SLC4A10: variants seen among roughly 807,000 people sequenced by gnomAD.
The protein encoded by SLC4A10 is solute carrier family 4 member 10.
Under a neutral mutation model 137.7 loss-of-function variants are expected in SLC4A10, and 42 were observed. The observed-to-expected ratio is 0.30, with a 90% CI of 0.24 to 0.39. The LOEUF is 0.39. SLC4A10 is among the 10% of genes least tolerant of loss of function. SLC4A10 has a pLI of 1.00. For missense variants in SLC4A10, 925 were observed against 1,355.0 expected, an observed-to-expected ratio of 0.68 and a Z score of 4.98; for synonymous variants, 474 against 464.1, an observed-to-expected ratio of 1.02 and a Z score of -0.27.
intron 1 of SLC4A10, among the ~76,000 whole-genome samples, chr2:161,647,127 T>C (rs2036165612): frequency 6.6e-6 from 1 of 152,070 alleles, no homozygotes; most frequent in African/African-American, 2.4e-5. Flanking sequence ...TCTGTTATGG[T>C]TCCTCTTTCA....
At chr2:161,843,557 A>G (rs991578589) in intron 4 of SLC4A10, among the ~76,000 whole-genome samples, 1 of 152,152 alleles carries the variant, frequency 6.6e-6, no homozygotes, top group African/African-American at 2.4e-5. Flanking sequence ...CAGAGACACA[A>G]TGATTCAGGG....
chr2:161,634,465 T>C (rs1176490297), intron 1 of SLC4A10, among the ~76,000 whole-genome samples: 1 of 151,936 alleles, frequency 6.6e-6, no homozygotes, highest in Non-Finnish European at 1.5e-5. Context: ...TTCCTATTTC[T>C]CCTCAAACTT....
intron 1 of SLC4A10, among the ~76,000 whole-genome samples, chr2:161,725,135 T>C (rs1037985085): frequency 1.3e-5 from 2 of 152,196 alleles, no homozygotes; most frequent in African/African-American, 4.8e-5. Flanking sequence ...GAATTCATAT[T>C]GGCTGAGGTA....
chr2:161,911,616 A>G (rs549934857), intron 15 of SLC4A10, among the ~76,000 whole-genome samples: 136 of 152,194 alleles, frequency 8.9e-4, no homozygotes, highest in African/African-American at 3.3e-3. Flanking sequence ...ATAACATGAC[A>G]ATTATATTTT....
intron 1 of SLC4A10, among the ~76,000 whole-genome samples, chr2:161,645,540 A>T (rs560479401): frequency 6.6e-6 from 1 of 152,140 alleles, no homozygotes; most frequent in East Asian, 1.9e-4. Context: ...TTGACTTTCT[A>T]AATGCATATT....
At chr2:161,771,083 T>C (rs780777718) in intron 2 of SLC4A10, 29 bp downstream of exon 2, 2 of 1,454,908 alleles carry the variant, frequency 1.4e-6, no homozygotes, top group Admixed American at 3.8e-5. Flanking sequence ...GGATAGCTAT[T>C]GGTGTGCTTT....
intron 1 of SLC4A10, among the ~76,000 whole-genome samples, chr2:161,695,740 C>G (rs980401475): frequency 6.6e-6 from 1 of 152,070 alleles, no homozygotes; most frequent in Non-Finnish European, 1.5e-5. Flanking sequence ...GCTCTATTTA[C>G]AGTCAGGCTT....
At chr2:161,902,668 T>C (rs938435339) in intron 12 of SLC4A10, among the ~76,000 whole-genome samples, 6 of 152,182 alleles carry the variant, frequency 3.9e-5, no homozygotes, top group African/African-American at 1.4e-4. Context: ...GAAAATATAG[T>C]GATCTTATAC....
intron 23 of SLC4A10, among the ~76,000 whole-genome samples, chr2:161,965,783 T>C (rs985619594): frequency 7.9e-5 from 12 of 152,190 alleles, no homozygotes; most frequent in African/African-American, 2.7e-4. Context: ...CAATGTATTA[T>C]AAGTTTCGTG....
At chr2:161,809,642 G>A (rs1232309016) in intron 3 of SLC4A10, among the ~76,000 whole-genome samples, 1 of 151,844 alleles carries the variant, frequency 6.6e-6, no homozygotes, top group Non-Finnish European at 1.5e-5. Flanking sequence ...AGTCCTTTCT[G>A]TATTAGTTAT....
At chr2:161,947,439 C>T in intron 16 of SLC4A10, 127 bp from the exon 17 acceptor site, 2 of 923,924 alleles carry the variant, frequency 2.2e-6, no homozygotes, top group Non-Finnish European at 3.1e-6. Context: ...CCTGCTAAAT[C>T]ATTGTGAGAG....
chr2:161,733,681 A>G (rs535774879), intron 1 of SLC4A10, among the ~76,000 whole-genome samples: 28 of 152,280 alleles, frequency 1.8e-4, no homozygotes, highest in African/African-American at 6.3e-4. Context: ...TGGGAGTACA[A>G]TTCAAGAAGA....
At chr2:161,687,290 A>G (rs2041533356) in intron 1 of SLC4A10, among the ~76,000 whole-genome samples, 1 of 152,234 alleles carries the variant, frequency 6.6e-6, no homozygotes, top group Non-Finnish European at 1.5e-5. Context: ...TTGGAGGGAC[A>G]TATATTAAAA....
chr2:161,758,809 T>C (rs1433910137), intron 1 of SLC4A10, among the ~76,000 whole-genome samples: 1 of 151,978 alleles, frequency 6.6e-6, no homozygotes, highest in Non-Finnish European at 1.5e-5. Flanking sequence ...GTCCATAGTA[T>C]GTAAACTTTG....
chr2:161,812,096 G>A (rs753746296), intron 3 of SLC4A10, among the ~76,000 whole-genome samples: 28 of 151,926 alleles, frequency 1.8e-4, no homozygotes, highest in Non-Finnish European at 3.4e-4. Flanking sequence ...TAAGTCTATA[G>A]TCTCTCTATT....
In SLC4A10 at chr2:161,957,381, T is replaced by C. The variant is rs940132047; in HGVS notation, c.2793+141T>C. 2.5e-5 allele frequency: 26 copies of C among 1,021,222 alleles called. No individual in the cohort carries two copies. The Middle Eastern group carries it at 1.6e-3, about 63-fold the overall frequency. The allele number at this position is 1,021,222 out of a possible 1,614,324, so 63.3% of individuals were successfully genotyped here. On this transcript the variant is annotated intron_variant, in intron 20 of 26. Transcript: ENST00000446997. ...GATGAATTTCTGAACCATGTTTATATAATTCTTCATAACCTAAGGGAGGGA... is the reference window on the plus strand; with the variant it reads ...GATGAATTTCTGAACCATGTTTATACAATTCTTCATAACCTAAGGGAGGGA...
intron 1 of SLC4A10, among the ~76,000 whole-genome samples, chr2:161,664,723 C>A (rs1157152128): frequency 4.9e-5 from 7 of 141,446 alleles, no homozygotes; most frequent in African/African-American, 1.8e-4. Context: ...TTTTTTTTTC[C>A]AATTTTTAGG....
intron 1 of SLC4A10, among the ~76,000 whole-genome samples, chr2:161,755,831 C>T (rs1355943295): frequency 6.0e-5 from 9 of 149,146 alleles, no homozygotes; most frequent in South Asian, 2.1e-4. Flanking sequence ...AGTGCAATGG[C>T]GCAATCTCGG....
intron 23 of SLC4A10, among the ~76,000 whole-genome samples, chr2:161,965,610 A>G (rs973966936): frequency 1.3e-5 from 2 of 152,164 alleles, no homozygotes; most frequent in African/African-American, 4.8e-5. Flanking sequence ...AAAATATTCT[A>G]ATGAATAATT....
Sources: gnomAD v4.1 joint callset for allele counts (sites outside exome capture counted in the v4.1 genomes callset) on GRCh38, gnomAD v4.1.1 for gene constraint, MANE v1.5 for transcripts, NCBI Gene and HGNC (gene_info 2026-07-23, HGNC 2026-07-21) for gene names.